PPP3R1: variants seen among roughly 807,000 people sequenced by gnomAD.
PPP3R1 encodes the protein protein phosphatase 3 regulatory subunit B, alpha.
A neutral mutation model predicts 22.6 loss-of-function variants in PPP3R1; 5 were observed. That is an observed-to-expected ratio of 0.22 (90% CI 0.12 to 0.46). PPP3R1 has a LOEUF of 0.46. Among genes scored for constraint, PPP3R1 ranks in the 20% least tolerant of loss-of-function variants. The pLI, the probability that PPP3R1 is intolerant of heterozygous loss-of-function variation, is 0.99. For synonymous variants in PPP3R1, 56 were observed against 65.2 expected (o/e 0.86, Z 0.68); for missense variants, 61 against 203.2 (o/e 0.30, Z 4.25).
At chr2:68,219,560 T>G (rs1294749633) in intron 1 of PPP3R1, among the ~76,000 whole-genome samples, 1 of 152,190 alleles carries the variant, frequency 6.6e-6, no homozygotes, top group Non-Finnish European at 1.5e-5. Context: ...ATAATTACAT[T>G]TAACAAAAAA....
At chr2:68,226,326 G>A (rs992410884) in intron 1 of PPP3R1, among the ~76,000 whole-genome samples, 3 of 152,114 alleles carry the variant, frequency 2.0e-5, no homozygotes, top group Non-Finnish European at 4.4e-5. Flanking sequence ...TAGGTAAGTT[G>A]TACCTCAATA....
At chr2:68,245,097 C>G (rs541721001) in intron 1 of PPP3R1, among the ~76,000 whole-genome samples, 2 of 152,278 alleles carry the variant, frequency 1.3e-5, no homozygotes, top group South Asian at 4.1e-4. Context: ...TAGGCCAGGC[C>G]TGGTGGTTCA....
At chr2:68,203,793 C>T (rs7574378) in intron 2 of PPP3R1, among the ~76,000 whole-genome samples, 113,357 of 152,098 alleles carry the variant, frequency 0.75, 43,303 homozygotes, top group African/African-American at 0.93. Context: ...ACAAAACTGC[C>T]TGAATGTGAA....
intron 1 of PPP3R1, among the ~76,000 whole-genome samples, chr2:68,223,299 G>A (rs1015455176): frequency 1.3e-5 from 2 of 152,272 alleles, no homozygotes; most frequent in South Asian, 2.1e-4. Flanking sequence ...GGGACGCTGA[G>A]GCAGAAGAAT....
chr2:68,193,107 T>C (rs1350480998), intron 2 of PPP3R1, among the ~76,000 whole-genome samples: 1 of 152,188 alleles, frequency 6.6e-6, no homozygotes, highest in African/African-American at 2.4e-5. Flanking sequence ...TGTGAAACAT[T>C]ATAAAGTAGT....
At chr2:68,237,252 T>C (rs549734103) in intron 1 of PPP3R1, among the ~76,000 whole-genome samples, 13 of 152,314 alleles carry the variant, frequency 8.5e-5, no homozygotes, top group Admixed American at 2.0e-4. Context: ...AGTAGTTCAA[T>C]TGATTCCTTA....
chr2:68,208,739 A>T (rs1329991695), intron 2 of PPP3R1, among the ~76,000 whole-genome samples: 1 of 151,888 alleles, frequency 6.6e-6, no homozygotes, highest in Non-Finnish European at 1.5e-5. Context: ...GTTCGAGACC[A>T]GCCTGATCAA....
At chr2:68,186,270 C>A (rs757738028) in intron 5 of PPP3R1, among the ~76,000 whole-genome samples, 198 bp downstream of exon 5, 1 of 149,996 alleles carries the variant, frequency 6.7e-6, no homozygotes, top group Admixed American at 6.7e-5. Flanking sequence ...AGGCTACCAA[C>A]AATAAGTAAA....
At chr2:68,198,190 A>C (rs980098268) in intron 2 of PPP3R1, among the ~76,000 whole-genome samples, 2 of 138,862 alleles carry the variant, frequency 1.4e-5, no homozygotes, top group African/African-American at 6.0e-5. Context: ...TATATAATAT[A>C]TATTTACATA....
chr2:68,243,541 T>C (rs767277909), intron 1 of PPP3R1, among the ~76,000 whole-genome samples: 9 of 152,190 alleles, frequency 5.9e-5, no homozygotes, highest in Non-Finnish European at 1.0e-4. Context: ...TTTTCTCTTT[T>C]AATAATTTGT....
chr2:68,242,335 G>A (rs1284617802), intron 1 of PPP3R1, among the ~76,000 whole-genome samples: 2 of 151,900 alleles, frequency 1.3e-5, no homozygotes, highest in African/African-American at 4.8e-5. Context: ...CTGAGGCAGG[G>A]GAATTGCTTG....
chr2:68,208,818 G>C (rs1370995165), intron 2 of PPP3R1, among the ~76,000 whole-genome samples: 2 of 151,906 alleles, frequency 1.3e-5, no homozygotes, highest in East Asian at 3.9e-4. Flanking sequence ...AGCTTCTTGG[G>C]AGACTGAGAC....
intron 2 of PPP3R1, among the ~76,000 whole-genome samples, chr2:68,198,887 A>G (rs1217779001): frequency 6.6e-6 from 1 of 152,192 alleles, no homozygotes. Flanking sequence ...GATTTTACAC[A>G]TATCTGGTTA....
intron 1 of PPP3R1, among the ~76,000 whole-genome samples, chr2:68,249,431 A>T (rs186035716): frequency 6.6e-6 from 1 of 152,332 alleles, no homozygotes; most frequent in East Asian, 1.9e-4. Flanking sequence ...AGATAAAAAA[A>T]AATTTAAAAG....
intron 2 of PPP3R1, among the ~76,000 whole-genome samples, chr2:68,189,941 T>A (rs1267604219): frequency 6.6e-6 from 1 of 151,974 alleles, no homozygotes; most frequent in African/African-American, 2.4e-5. Context: ...AATGTTATAC[T>A]GCCCATGAGT....
chr2:68,219,598 C>T (rs529799270), intron 1 of PPP3R1, among the ~76,000 whole-genome samples: 7 of 152,230 alleles, frequency 4.6e-5, no homozygotes, highest in Middle Eastern at 3.4e-3. Context: ...ATTATTATAT[C>T]AGACTTAACT....
At chr2:68,185,190 G>A (rs1485964535) in intron 5 of PPP3R1, among the ~76,000 whole-genome samples, 1 of 147,836 alleles carries the variant, frequency 6.8e-6, no homozygotes, top group Non-Finnish European at 1.5e-5. Context: ...TTTCACTCCA[G>A]CCTGGTGACA....
At chr2:68,200,860 T>G (rs1051074705) in intron 2 of PPP3R1, among the ~76,000 whole-genome samples, 4 of 152,214 alleles carry the variant, frequency 2.6e-5, no homozygotes, top group African/African-American at 7.2e-5. Context: ...CCGTTTTTCC[T>G]ACTGAAGGCC....
At chr2:68,204,897 C>CA in intron 2 of PPP3R1, among the ~76,000 whole-genome samples, 1 of 152,358 alleles carries the variant, frequency 6.6e-6, no homozygotes, top group East Asian at 1.9e-4. Flanking sequence ...CTTCCACTGT[C>CA]AAAGTCCCAA....
Sources: gnomAD v4.1 joint callset for allele counts (sites outside exome capture counted in the v4.1 genomes callset) on GRCh38, gnomAD v4.1.1 for gene constraint, MANE v1.5 for transcripts, NCBI Gene and HGNC (gene_info 2026-07-23, HGNC 2026-07-21) for gene names.